Variants in SEMA5A observed in about 807,000 individuals in gnomAD.
The protein encoded by SEMA5A is semaphorin 5A.
A neutral mutation model predicts 135.5 loss-of-function variants in SEMA5A; 55 were observed. The ratio of observed to expected loss-of-function variants is 0.41; its 90% CI spans 0.33 to 0.51. SEMA5A has a LOEUF of 0.51. Ranked by LOEUF, SEMA5A falls within the 20% of genes least tolerant of loss-of-function variation. SEMA5A has a pLI of 0.37. For missense variants in SEMA5A, 1,290 were observed against 1,419.9 expected, an observed-to-expected ratio of 0.91 and a Z score of 1.47; for synonymous variants, 580 against 546.5, an observed-to-expected ratio of 1.06 and a Z score of -0.85.
chr5:9,505,810 T>C (rs529412865), intron 1 of SEMA5A, among the ~76,000 whole-genome samples: 1 of 152,372 alleles, frequency 6.6e-6, no homozygotes, highest in African/African-American at 2.4e-5. Flanking sequence ...GTACCATGAC[T>C]TTTCTTTGTT....
At position 9,204,161 on chromosome 5, in the gene SEMA5A, A is replaced by G. The variant is rs993723691; in HGVS notation, c.647-1921T>C. ...GGAATGGGTCCTGCACCCTGGCTAA[A>G]CAAAACTAGAGTTTGGGAATTGTAC... On this transcript the variant is annotated intron_variant, in intron 8 of 22. Coordinates refer to ENST00000382496, the MANE Select transcript of SEMA5A (RefSeq NM_003966.3). This position sits in a 1 kb window ranked among gnomAD's most constrained non-coding sequence, Gnocchi z 6.4. 6.6e-6 allele frequency among the ~76,000 whole-genome samples: 1 copy of G among 152,216 alleles called. No individual in the cohort carries two copies. The highest frequency in any genetic ancestry group is 2.4e-5 in the African/African-American group (1 of 41,448).
chr5:9,345,394 C>G (rs962871242), intron 3 of SEMA5A, among the ~76,000 whole-genome samples: 8 of 152,140 alleles, frequency 5.3e-5, no homozygotes, highest in African/African-American at 1.7e-4. Context: ...CCAGCTGCCT[C>G]CCCATGCAGG....
chr5:9,297,166 ATATATACATATACATATG>A (rs1028238739), intron 5 of SEMA5A, among the ~76,000 whole-genome samples: 4 of 149,486 alleles, frequency 2.7e-5, no homozygotes, highest in East Asian at 1.9e-4. Context: ...AAATACATAT[ATATATACATATACATATG>A]TATATACACA....
chr5:9,277,108 A>C (rs1242065837), intron 5 of SEMA5A, among the ~76,000 whole-genome samples: 1 of 152,156 alleles, frequency 6.6e-6, no homozygotes, highest in Non-Finnish European at 1.5e-5. Context: ...ACTCAAACAA[A>C]TTTACACGGA....
In SEMA5A at chr5:9,082,776, A is replaced by G. The variant is rs190766174; in HGVS notation, c.2074-16130T>C. 3.5e-3 allele frequency among the ~76,000 whole-genome samples: 535 copies of G among 152,306 alleles called. 1 individual carries two copies. The highest frequency in any genetic ancestry group is 0.012 in the African/African-American group (513 of 41,570). ...ACAAAAGCATCAGGGATTCTCCAAA[A>G]TGACCACTGGAGAAATCATCCTTTC... is the stretch of plus-strand genomic sequence containing the variant. On this transcript the variant is annotated intron_variant, in intron 16 of 22. Coordinates refer to ENST00000382496, the MANE Select transcript of SEMA5A (RefSeq NM_003966.3).
intron 16 of SEMA5A, among the ~76,000 whole-genome samples, chr5:9,087,833 A>G (rs1219664011): frequency 6.6e-6 from 1 of 152,176 alleles, no homozygotes; most frequent in Non-Finnish European, 1.5e-5. Context: ...GTTGTTATAC[A>G]CAGAATTCTG....
intron 13 of SEMA5A, among the ~76,000 whole-genome samples, chr5:9,124,566 C>A (rs1579438249): frequency 6.6e-6 from 1 of 152,276 alleles, no homozygotes; most frequent in East Asian, 1.9e-4. Flanking sequence ...AAACGATTCT[C>A]ATGCCTCAGC....
intron 5 of SEMA5A, among the ~76,000 whole-genome samples, chr5:9,290,419 A>G (rs1225542577): frequency 6.6e-6 from 1 of 151,832 alleles, no homozygotes; most frequent in African/African-American, 2.4e-5. Context: ...TATACACTAC[A>G]TTTTCTTTAT....
At chr5:9,273,083 A>G (rs1238691308) in intron 5 of SEMA5A, among the ~76,000 whole-genome samples, 1 of 152,160 alleles carries the variant, frequency 6.6e-6, no homozygotes, top group Non-Finnish European at 1.5e-5. Flanking sequence ...GCATGTTCTA[A>G]CCCAATGCAA....
At chr5:9,247,151 G>A (rs927451845) in intron 5 of SEMA5A, among the ~76,000 whole-genome samples, 6 of 152,086 alleles carry the variant, frequency 3.9e-5, no homozygotes, top group African/African-American at 1.4e-4. Context: ...TTTGTTGTTT[G>A]GCTTAGAATT....
chr5:9,139,337 A>G (rs568392232), intron 12 of SEMA5A, among the ~76,000 whole-genome samples: 17 of 152,190 alleles, frequency 1.1e-4, no homozygotes, highest in Non-Finnish European at 2.2e-4. Context: ...GGCATTATTA[A>G]ATTTGGACCA....
chr5:9,490,708 G>A (rs570827327), intron 1 of SEMA5A, among the ~76,000 whole-genome samples: 12 of 152,250 alleles, frequency 7.9e-5, no homozygotes, highest in Admixed American at 4.6e-4. Flanking sequence ...CCCTCTTCCC[G>A]GGGATGCCCC....
intron 21 of SEMA5A, among the ~76,000 whole-genome samples, chr5:9,045,070 C>A (rs1267302265): frequency 2.0e-5 from 3 of 152,120 alleles, no homozygotes; most frequent in Admixed American, 2.0e-4. Context: ...CAGGTGTGAG[C>A]CACTGTGCCT....
At chr5:9,520,930 G>A (rs1469415601) in intron 1 of SEMA5A, among the ~76,000 whole-genome samples, 3 of 152,136 alleles carry the variant, frequency 2.0e-5, no homozygotes, top group Admixed American at 2.0e-4. Context: ...GGACATGAGG[G>A]AAAAAGTGAG....
At chr5:9,282,761 C>A (rs558744778) in intron 5 of SEMA5A, among the ~76,000 whole-genome samples, 6 of 152,232 alleles carry the variant, frequency 3.9e-5, no homozygotes, top group African/African-American at 1.4e-4. Context: ...GTGCACCTCC[C>A]CATCCCACAG....
At chr5:9,045,233 T>C (rs1736185920) in intron 21 of SEMA5A, among the ~76,000 whole-genome samples, 1 of 152,188 alleles carries the variant, frequency 6.6e-6, no homozygotes, top group Non-Finnish European at 1.5e-5. Flanking sequence ...TAATCCATGG[T>C]GTACAGGGTT....
chr5:9,233,267 A>G (rs1299781246), intron 6 of SEMA5A, among the ~76,000 whole-genome samples: 1 of 152,274 alleles, frequency 6.6e-6, no homozygotes, highest in East Asian at 1.9e-4. Flanking sequence ...ACGTCAGTTC[A>G]GACATTATAG....
rs1405154815 is a variant in SEMA5A at position 9,154,066 on chromosome 5, T to A, written c.1481+422A>T. Reference sequence around the variant, plus strand: ...GTCTCAAAAAAAAAAAAAAAAAATATATATATATATATATATATATATATA... The same window carrying A: ...GTCTCAAAAAAAAAAAAAAAAAATAAATATATATATATATATATATATATA... On this transcript the variant is annotated intron_variant, in intron 12 of 22. Coordinates refer to ENST00000382496, the MANE Select transcript of SEMA5A (RefSeq NM_003966.3). 5.1e-3 allele frequency among the ~76,000 whole-genome samples: 234 copies of A among 46,318 alleles called. 3 individuals are homozygous for A. The highest frequency in any genetic ancestry group is 0.01 in the Middle Eastern group (1 of 100). The allele number at this position is 46,318 out of a possible 152,430, so 30.4% of individuals were successfully genotyped here. A position where few individuals can be genotyped will look rare whatever the true frequency, so the allele number is the denominator to read the frequency against.
At chr5:9,170,173 G>A (rs1308902559) in intron 11 of SEMA5A, among the ~76,000 whole-genome samples, 1 of 152,148 alleles carries the variant, frequency 6.6e-6, no homozygotes, top group Non-Finnish European at 1.5e-5. Context: ...ATGCTTCAGT[G>A]TCCTACCTTC....
Sources: gnomAD v4.1 joint callset for allele counts (sites outside exome capture counted in the v4.1 genomes callset) on GRCh38, gnomAD v4.1.1 for gene constraint, Gnocchi (gnomAD v3.1) non-coding constraint, MANE v1.5 for transcripts, NCBI Gene and HGNC (gene_info 2026-07-23, HGNC 2026-07-21) for gene names.